NDUFA10: variants seen among roughly 807,000 people sequenced by gnomAD.
NDUFA10 encodes the protein NADH:ubiquinone oxidoreductase subunit A10, also known as NADH dehydrogenase [ubiquinone] 1 alpha subcomplex subunit 10, mitochondrial.
In NDUFA10, 40 loss-of-function variants were observed where a neutral mutation model predicts 47.8. The ratio of observed to expected loss-of-function variants is 0.84; its 90% CI spans 0.65 to 1.09. The LOEUF is 1.09. NDUFA10 is among the 50% of genes least tolerant of loss of function. The pLI is 0.00. For synonymous variants in NDUFA10, 183 were observed against 172.2 expected, an observed-to-expected ratio of 1.06 and a Z score of -0.49; for missense variants, 413 against 451.1, an observed-to-expected ratio of 0.92 and a Z score of 0.76.
At chr2:239,972,830 C>T (rs1027100951) in intron 9 of NDUFA10, among the ~76,000 whole-genome samples, 2 of 152,186 alleles carry the variant, frequency 1.3e-5, no homozygotes, top group Non-Finnish European at 2.9e-5. Context: ...AACCTAAGTG[C>T]TTGTTTTAAA....
intron 5 of NDUFA10, chr2:240,013,476 T>C (rs920917565): frequency 1.3e-5 from 2 of 152,244 alleles, no homozygotes; most frequent in Non-Finnish European, 2.9e-5. Context: ...TAAGCAAAGG[T>C]GTCCAGTTAG....
intron 4 of NDUFA10, among the ~76,000 whole-genome samples, chr2:239,950,763 G>A (rs762609393): frequency 1.3e-5 from 2 of 152,180 alleles, no homozygotes; most frequent in African/African-American, 2.4e-5. Context: ...CCCCGTGGTC[G>A]GCTGTGCAGA....
intron 4 of NDUFA10, among the ~76,000 whole-genome samples, chr2:239,922,243 GA>G (rs749204671): frequency 1.4e-4 from 21 of 152,156 alleles, no homozygotes; most frequent in Non-Finnish European, 2.5e-4. Flanking sequence ...ATCTTTGGGT[GA>G]CTTGGATTCT....
chr2:239,986,296 C>T (rs1041860869), intron 9 of NDUFA10, among the ~76,000 whole-genome samples: 1 of 152,116 alleles, frequency 6.6e-6, no homozygotes, highest in African/African-American at 2.4e-5. Flanking sequence ...AGCTGTTCTG[C>T]GGGACTGGAG....
chr2:239,987,462 G>T lies in NDUFA10; in HGVS notation c.999+2612C>A, dbSNP rs191100720. ...TCCTGACACCGAGACCACACTCGGC[G>T]AACCATCACATTCAAGAGTTTGAAG... On this transcript the variant is annotated intron_variant, in intron 9 of 9. Coordinates refer to ENST00000252711, the MANE Select transcript of NDUFA10 (RefSeq NM_004544.4). This position sits in a 1 kb window ranked among gnomAD's most constrained non-coding sequence, Gnocchi z 4.8. Among the ~76,000 whole-genome samples, 15 of 151,260 alleles carry T rather than the reference G, an allele frequency of 9.9e-5. No homozygotes were observed. Among genetic ancestry groups the T allele is most frequent in the African/African-American group, 2.9e-4 (12 of 41,182 alleles).
chr2:240,016,719 C>A lies in NDUFA10; in HGVS notation c.547+1834G>T, dbSNP rs1483789364. On this transcript the variant is annotated intron_variant, in intron 4 of 9. Coordinates refer to ENST00000252711, the MANE Select transcript of NDUFA10 (RefSeq NM_004544.4). This position sits in a 1 kb window ranked among gnomAD's most constrained non-coding sequence, Gnocchi z 4.4. ...TGGTCTCAGCCCTCCCCCATCACCC[C>A]TTGGGCTTTCCCAAGGAAAGCATGC... is the stretch of plus-strand genomic sequence containing the variant. 6.6e-6 allele frequency among the ~76,000 whole-genome samples: 1 copy of A among 152,118 alleles called. No individual in the cohort carries two copies. The highest frequency in any genetic ancestry group is 1.5e-5 in the Non-Finnish European group (1 of 68,014).
intron 4 of NDUFA10, among the ~76,000 whole-genome samples, chr2:239,919,728 G>A (rs1412651290): frequency 6.6e-6 from 1 of 152,140 alleles, no homozygotes; most frequent in Admixed American, 6.5e-5. Context: ...CCATCCCTGA[G>A]AATACCTCGT....
chr2:239,958,840 T>C lies in NDUFA10; in HGVS notation c.*2278A>G, dbSNP rs1425309480. The C allele has an allele frequency of 2.9e-6, 2 of 701,732 alleles. No homozygotes were observed. The highest frequency in any genetic ancestry group is 1.9e-5 in the African/African-American group (1 of 51,502). 43.5% of individuals were successfully genotyped at this position (701,732 alleles called of 1,614,324 possible). On this transcript the variant is annotated 3_prime_UTR_variant, in exon 10 of 10. Coordinates refer to ENST00000252711, the MANE Select transcript of NDUFA10 (RefSeq NM_004544.4). Reference sequence around the variant, plus strand: ...TGAATAAAATCCAGACACAAAACCATACTGCTGCAACAGCATGATTATTTC... The same window carrying C: ...TGAATAAAATCCAGACACAAAACCACACTGCTGCAACAGCATGATTATTTC...
chr2:239,983,846 A>G, intron 9 of NDUFA10: 1 of 1,402,486 alleles, frequency 7.1e-7, no homozygotes, highest in South Asian at 1.5e-5. Context: ...TGAGGACCCA[A>G]TGTCATGTGA....
intron 4 of NDUFA10, among the ~76,000 whole-genome samples, chr2:239,900,282 G>A (rs113858017): frequency 0.023 from 2,778 of 119,228 alleles, 114 homozygotes; most frequent in African/African-American, 0.08. Context: ...CCTTGTGATC[G>A]TGTGAGTCAA....
chr2:239,930,754 C>T lies in NDUFA10; in HGVS notation c.295-35440G>A, dbSNP rs564778079. ...AGGGGAACAGCAGGCATGGAGGCCC[C>T]GGTGGATGGGTACAGCGAGCTCAGG... On this transcript the variant is annotated intron_variant, in intron 4 of 5. Coordinates refer to the NDUFA10 transcript ENST00000419408. Among the ~76,000 whole-genome samples, 24 of 152,132 alleles carry T rather than the reference C, an allele frequency of 1.6e-4. No individual in the cohort carries two copies. The East Asian group carries it at 3.9e-3, about 25-fold the overall frequency.
chr2:239,932,835 C>T (rs1694199778), intron 4 of NDUFA10, among the ~76,000 whole-genome samples: 1 of 152,210 alleles, frequency 6.6e-6, no homozygotes, highest in Non-Finnish European at 1.5e-5. Context: ...CCCGCCTCGG[C>T]CTCCCAAAGT....
At chr2:239,998,733 C>A (rs923646787) in intron 8 of NDUFA10, among the ~76,000 whole-genome samples, 1 of 152,200 alleles carries the variant, frequency 6.6e-6, no homozygotes, top group South Asian at 2.1e-4. Flanking sequence ...GTCTAAAGGG[C>A]TTTCCAGGCA....
rs551794157 is a variant in NDUFA10, at chr2:239,931,354, G to A, written c.295-36040C>T. 1.1e-4 allele frequency among the ~76,000 whole-genome samples: 17 copies of A among 152,294 alleles called. No homozygotes were observed. In the East Asian group the frequency reaches 1.2e-3, roughly 10 times the overall value. ...TCACACAGCCCCCTCCCTCTCCTTC[G>A]ATGACACTTGTCATTGGATGAGGAT... On this transcript the variant is annotated intron_variant, in intron 4 of 5. Transcript: ENST00000419408.
At chr2:239,925,618 G>C (rs751331273) in intron 4 of NDUFA10, among the ~76,000 whole-genome samples, 3 of 152,166 alleles carry the variant, frequency 2.0e-5, no homozygotes, top group Non-Finnish European at 4.4e-5. Context: ...CTAGGGTTAG[G>C]TGAAGAATTC....
intron 4 of NDUFA10, among the ~76,000 whole-genome samples, chr2:239,897,844 C>T (rs1309384793): frequency 6.6e-6 from 1 of 152,212 alleles, no homozygotes; most frequent in African/African-American, 2.4e-5. Context: ...CAGGTTCACC[C>T]CTCCCTCTGC....
At position 239,959,349 on chromosome 2, in the gene NDUFA10, G is replaced by A; in HGVS notation, c.*1769C>T. 2 of 985,420 alleles carry A rather than the reference G, an allele frequency of 2.0e-6. No homozygotes were observed. The highest frequency in any genetic ancestry group is 2.4e-6 in the Non-Finnish European group (2 of 829,936). The allele number at this position is 985,420 out of a possible 1,614,324, so 61.0% of individuals were successfully genotyped here. ...AGGACACTACCCGTGCAACCACCAA[G>A]GTTGAAGGAAACAGCTAGCTCTTTG... On this transcript the variant is annotated 3_prime_UTR_variant, in exon 10 of 10. Coordinates refer to ENST00000252711, the MANE Select transcript of NDUFA10 (RefSeq NM_004544.4).
intron 9 of NDUFA10, among the ~76,000 whole-genome samples, chr2:239,961,480 G>A (rs915640805): frequency 6.6e-6 from 1 of 152,194 alleles, no homozygotes; most frequent in Non-Finnish European, 1.5e-5. Context: ...GCCACAGGAG[G>A]GGGACAGAGA....
intron 4 of NDUFA10, among the ~76,000 whole-genome samples, chr2:239,927,947 G>A (rs60512287): frequency 0.028 from 4,239 of 152,312 alleles, 186 homozygotes; most frequent in African/African-American, 0.097. Context: ...GCTGGGCAAG[G>A]ACACAGGGGA....
Sources: allele counts gnomAD v4.1 joint callset (sites outside exome capture counted in the v4.1 genomes callset), GRCh38; gene constraint gnomAD v4.1.1; non-coding constraint Gnocchi (gnomAD v3.1); transcripts MANE v1.5; gene names NCBI Gene and HGNC (gene_info 2026-07-23, HGNC 2026-07-21).